Variants in DLGAP5 observed in about 807,000 individuals in gnomAD.
DLGAP5 encodes the protein DLG associated protein 5, also known as disks large-associated protein 5.
DLGAP5 carries 90 observed loss-of-function variants against 99.6 expected under a neutral mutation model. The observed-to-expected ratio is 0.90, with a 90% CI of 0.76 to 1.08. The LOEUF is 1.08. DLGAP5 is among the 50% of genes least tolerant of loss of function. The pLI is 0.00. For missense variants in DLGAP5, 1,036 were observed against 983.5 expected (o/e 1.05, Z -0.71); for synonymous variants, 311 against 321.3 (o/e 0.97, Z 0.34).
intron 15 of DLGAP5, 101 bp downstream of exon 15, chr14:55,154,516 T>A (rs1882134078): frequency 1.0e-6 from 1 of 977,024 alleles, no homozygotes; most frequent in Admixed American, 2.3e-5. Flanking sequence ...TTATGAAATT[T>A]ATTAAAAATA....
intron 14 of DLGAP5, among the ~76,000 whole-genome samples, chr14:55,155,231 G>T (rs1020181742): frequency 6.6e-6 from 1 of 151,366 alleles, no homozygotes; most frequent in Non-Finnish European, 1.5e-5. Context: ...CACCATGTTG[G>T]CCAGGCTGGT....
At chr14:55,170,497 T>C (rs1594674031) in intron 11 of DLGAP5, among the ~76,000 whole-genome samples, 1 of 152,230 alleles carries the variant, frequency 6.6e-6, no homozygotes, top group Non-Finnish European at 1.5e-5. Context: ...TATACCATTT[T>C]AGCACAGATG....
chr14:55,148,825 A>T, intron 18 of DLGAP5: 1 of 342,200 alleles, frequency 2.9e-6, no homozygotes, highest in South Asian at 2.5e-5. Context: ...AGGTATATTC[A>T]GAATATATGT....
chr14:55,159,043 ACCC>A (rs34645298), intron 13 of DLGAP5, among the ~76,000 whole-genome samples: 1 of 136,204 alleles, frequency 7.3e-6, no homozygotes, highest in South Asian at 2.4e-4. Context: ...TAACCATGAC[ACCC>A]CCCCCCCATA....
At chr14:55,183,883 T>G (rs752983124) in intron 2 of DLGAP5, 130 bp from the exon 3 acceptor site, 10 of 931,778 alleles carry the variant, frequency 1.1e-5, no homozygotes, top group Non-Finnish European at 1.5e-5. Context: ...CCAGGCACGG[T>G]GGCTCACGCC....
At chr14:55,166,943 G>A (rs572791800) in intron 12 of DLGAP5, among the ~76,000 whole-genome samples, 1 of 151,338 alleles carries the variant, frequency 6.6e-6, no homozygotes, top group South Asian at 2.1e-4. Flanking sequence ...CCAAAGCTGG[G>A]AAATGAGCAT....
At chr14:55,180,806 A>T (rs1265068210) in intron 5 of DLGAP5, 28 bp from the exon 6 acceptor site, 3 of 1,613,562 alleles carry the variant, frequency 1.9e-6, no homozygotes, top group African/African-American at 1.3e-5. Flanking sequence ...AACTACATCA[A>T]ATGTCCCTTG....
At chr14:55,155,186 G>A (rs1034060855) in intron 14 of DLGAP5, among the ~76,000 whole-genome samples, 1 of 151,728 alleles carries the variant, frequency 6.6e-6, no homozygotes, top group African/African-American at 2.4e-5. Flanking sequence ...CACCACGCCT[G>A]GCTAATTTTT....
At chr14:55,163,101 G>A (rs1196235269) in intron 12 of DLGAP5, 26 bp from the exon 13 acceptor site, 1 of 1,417,286 alleles carries the variant, frequency 7.1e-7, no homozygotes, top group Admixed American at 1.9e-5. Context: ...AAGTTTACCA[G>A]ATTAATGCTA....
chr14:55,160,456 TTTG>T (rs1260129625), intron 13 of DLGAP5, among the ~76,000 whole-genome samples: 2 of 152,048 alleles, frequency 1.3e-5, no homozygotes, highest in Non-Finnish European at 2.9e-5. Context: ...TTTACTACTT[TTTG>T]TTATTTTTGA....
At position 55,163,002 on chromosome 14, in the gene DLGAP5, ATAT is replaced by A. The variant is rs778754711; in HGVS notation, c.1619_1621del (p.Asn540del). ...GACATTTTTGTTCATATTATGATTC[ATAT>A]TATTATTGACTTGCCACCCAGATTC... On this transcript the variant is annotated inframe_deletion, in exon 13 of 19. Coordinates refer to ENST00000247191, the MANE Select transcript of DLGAP5 (RefSeq NM_014750.5). 34 of 1,598,876 alleles carry A rather than the reference ATAT, an allele frequency of 2.1e-5. No homozygotes were observed. Among genetic ancestry groups the A allele is most frequent in the African/African-American group, 5.4e-5 (4 of 74,490 alleles).
chr14:55,184,472 C>G (rs1883370016), intron 2 of DLGAP5, among the ~76,000 whole-genome samples: 1 of 152,116 alleles, frequency 6.6e-6, no homozygotes, highest in Non-Finnish European at 1.5e-5. Flanking sequence ...TGTATGATAG[C>G]CAGCATCCAA....
At chr14:55,175,566 G>T in intron 9 of DLGAP5, 94 bp from the exon 10 acceptor site, 2 of 833,804 alleles carry the variant, frequency 2.4e-6, no homozygotes, top group East Asian at 2.9e-5. Flanking sequence ...CCTTTTCAAT[G>T]TTTAATTTTA....
intron 9 of DLGAP5, among the ~76,000 whole-genome samples, 196 bp downstream of exon 9, chr14:55,175,696 CAG>C (rs559314215): frequency 9.8e-4 from 149 of 152,218 alleles, no homozygotes; most frequent in African/African-American, 3.3e-3. Flanking sequence ...ATATTCTCTT[CAG>C]ATATCTTTAC....
At chr14:55,163,809 G>A (rs1223062909) in intron 12 of DLGAP5, among the ~76,000 whole-genome samples, 2 of 152,118 alleles carry the variant, frequency 1.3e-5, no homozygotes, top group African/African-American at 4.8e-5. Flanking sequence ...ATGCGTATTT[G>A]CCATCTGTAT....
intron 14 of DLGAP5, among the ~76,000 whole-genome samples, chr14:55,155,159 G>A (rs748470278): frequency 6.6e-6 from 1 of 151,852 alleles, no homozygotes. Flanking sequence ...CCAGTAGCTG[G>A]GACTACAGAT....
chr14:55,163,810 C>G (rs952964004), intron 12 of DLGAP5, among the ~76,000 whole-genome samples: 2 of 152,174 alleles, frequency 1.3e-5, no homozygotes, highest in African/African-American at 4.8e-5. Context: ...TGCGTATTTG[C>G]CATCTGTATA....
At position 55,158,636 on chromosome 14, in the gene DLGAP5, TTCTC is replaced by T; in HGVS notation, c.1755_1758del (p.Arg586LeufsTer13). On this transcript the variant is annotated frameshift_variant, in exon 14 of 19. Coordinates refer to ENST00000247191, the MANE Select transcript of DLGAP5 (RefSeq NM_014750.5). LOFTEE classifies it high-confidence loss of function. ...GTTTCAGCACATTCTTCCTGCCTAA[TTCTC>T]TCTCTCATTGCATTTTTTATGGCAG... The T allele has an allele frequency of 1.2e-6, 2 of 1,608,760 alleles. No individual in the cohort carries two copies. Among genetic ancestry groups the T allele is most frequent in the South Asian group, 1.1e-5 (1 of 90,964 alleles).
At chr14:55,169,100 TG>T (rs1013797834) in intron 12 of DLGAP5, among the ~76,000 whole-genome samples, 2 of 135,884 alleles carry the variant, frequency 1.5e-5, no homozygotes, top group African/African-American at 5.8e-5. Flanking sequence ...GGTGTGAACC[TG>T]GGGGGCAGAG....
Sources: allele counts gnomAD v4.1 joint callset (sites outside exome capture counted in the v4.1 genomes callset), GRCh38; gene constraint gnomAD v4.1.1; transcripts MANE v1.5; gene names NCBI Gene and HGNC (gene_info 2026-07-23, HGNC 2026-07-21).